FBXL2: variants seen among roughly 807,000 people sequenced by gnomAD.
The protein encoded by FBXL2 is F-box/LRR-repeat protein 2.
FBXL2 carries 38 observed loss-of-function variants against 69.2 expected under a neutral mutation model. That is an observed-to-expected ratio of 0.55 (90% confidence interval 0.42 to 0.72). The LOEUF (loss-of-function observed/expected upper bound fraction) is 0.72, where lower values mean the gene tolerates loss of function less well. FBXL2 is among the 30% of genes least tolerant of loss of function. The pLI, the probability that FBXL2 is intolerant of heterozygous loss-of-function variation, is 0.00. For synonymous variants in FBXL2, 192 were observed against 201.3 expected (o/e 0.95, Z 0.39); for missense variants, 354 against 520.3 (o/e 0.68, Z 3.11).
At chr3:33,408,658 G>A (rs1010365454), downstream of FBXL2, 2 of 1,582,654 alleles carry the variant, frequency 1.3e-6, no homozygotes, top group Non-Finnish European at 1.7e-6. Flanking sequence ...AAGGTTTCTT[G>A]CACAATGAAA....
intron 1 of FBXL2, among the ~76,000 whole-genome samples, chr3:33,283,735 C>G (rs1000614394): frequency 4.6e-5 from 7 of 152,000 alleles, no homozygotes; most frequent in Non-Finnish European, 1.0e-4. Context: ...AGCCTGTTAT[C>G]AGTCTATTTA....
intron 1 of FBXL2, among the ~76,000 whole-genome samples, chr3:33,282,417 G>T (rs1257974773): frequency 6.6e-6 from 1 of 152,058 alleles, no homozygotes; most frequent in Admixed American, 6.6e-5. Flanking sequence ...TATCTGTTTT[G>T]GTACCAGTAC....
At position 33,387,033 on chromosome 3, in the gene FBXL2, T is replaced by A. The variant is rs1376408557; in HGVS notation, c.*1425T>A. On this transcript the variant is annotated 3_prime_UTR_variant, in exon 15 of 15. Coordinates refer to ENST00000484457, the MANE Select transcript of FBXL2 (RefSeq NM_012157.5). ...CTGCATTCTAGGAAGAGAAGCAGAT[T>A]ATATATATATATAATCTCCCCATAA... is the stretch of plus-strand genomic sequence containing the variant. 1.3e-5 allele frequency: 2 copies of A among 150,868 alleles called. No individual in the cohort carries two copies. Among genetic ancestry groups the A allele is most frequent in the South Asian group, 2.1e-4 (1 of 4,802 alleles). 9.3% of individuals were successfully genotyped at this position (150,868 alleles called of 1,614,324 possible).
chr3:33,281,530 C>T (rs1240677255), intron 1 of FBXL2, among the ~76,000 whole-genome samples: 1 of 152,150 alleles, frequency 6.6e-6, no homozygotes, highest in East Asian at 1.9e-4. Context: ...TTTATAGCAG[C>T]ATGATTTATA....
At chr3:33,412,965 C>T in the FBXL2 span, 1 of 523,740 alleles carries the variant, frequency 1.9e-6, no homozygotes, top group Admixed American at 3.3e-5. Context: ...TGTAAGTGAA[C>T]TCTTTTGCCC....
chr3:33,383,806 A>G (rs1467259928), intron 13 of FBXL2, 183 bp from the exon 14 acceptor site: 4 of 593,480 alleles, frequency 6.7e-6, no homozygotes, highest in African/African-American at 5.6e-5. Context: ...GATAATTTGT[A>G]ATGAACAGAA....
At chr3:33,306,554 T>C (rs2036736307) in intron 2 of FBXL2, among the ~76,000 whole-genome samples, 1 of 152,170 alleles carries the variant, frequency 6.6e-6, no homozygotes, top group South Asian at 2.1e-4. Flanking sequence ...TCTCAGTTAA[T>C]CTGCAGGTCC....
intron 2 of FBXL2, among the ~76,000 whole-genome samples, chr3:33,329,855 A>G (rs1291316945): frequency 6.6e-6 from 1 of 152,132 alleles, no homozygotes; most frequent in Non-Finnish European, 1.5e-5. Context: ...TGAGCCAGGC[A>G]TGGTGGCTAC....
Position 33,385,573 on chromosome 3 carries a change from G to C in FBXL2, c.1237G>C (p.Gly413Arg). The C allele has an allele frequency of 6.2e-7, 1 of 1,614,008 alleles. No homozygotes were observed. The highest frequency in any genetic ancestry group is 8.5e-7 in the Non-Finnish European group (1 of 1,179,982). The change falls in exon 15 of 15, where the codon GGA (glycine) becomes CGA (arginine). Residue 413 changes from glycine to arginine, a missense_variant. Coordinates refer to ENST00000484457, the MANE Select transcript of FBXL2 (RefSeq NM_012157.5). The part of the protein sequence containing the change: ...VTPPTAVAGS[G>R]QRLCRCCVIL ...CCCACCGACAGCAGTGGCAGGAAGT[G>C]GACAGCGACTGTGCAGGTGCTGTGT...
At chr3:33,392,011 C>T (rs544753855), downstream of FBXL2, 4 of 153,344 alleles carry the variant, frequency 2.6e-5, no homozygotes, top group African/African-American at 9.6e-5. Flanking sequence ...TTTCTTTGCA[C>T]ACAGCCCCAC....
chr3:33,295,395 T>C (rs1365302909), intron 1 of FBXL2, among the ~76,000 whole-genome samples: 3 of 152,250 alleles, frequency 2.0e-5, no homozygotes, highest in Non-Finnish European at 1.5e-5. Flanking sequence ...GACTCATTCC[T>C]GTTGTAACAT....
chr3:33,288,937 T>C (rs911657217), intron 1 of FBXL2, among the ~76,000 whole-genome samples: 2 of 152,042 alleles, frequency 1.3e-5, no homozygotes, highest in African/African-American at 4.8e-5. Flanking sequence ...TCCATAGGAT[T>C]AGCTGATGGA....
intron 2 of FBXL2, among the ~76,000 whole-genome samples, chr3:33,303,371 C>T (rs2036451637): frequency 6.6e-6 from 1 of 152,080 alleles, no homozygotes; most frequent in African/African-American, 2.4e-5. Flanking sequence ...CCTCCCTAAA[C>T]TGTTATGTAC....
intron 2 of FBXL2, among the ~76,000 whole-genome samples, chr3:33,307,253 C>T (rs1004030950): frequency 1.3e-5 from 2 of 152,120 alleles, no homozygotes; most frequent in Non-Finnish European, 2.9e-5. Context: ...ATATCTGTGG[C>T]ATTCCTGACA....
At position 33,277,452 on chromosome 3, in the gene FBXL2, C is replaced by G. The variant is rs2033381947; in HGVS notation, c.-61C>G. 7.9e-7 allele frequency: 1 copy of G among 1,261,098 alleles called. No individual in the cohort carries two copies. Among genetic ancestry groups the G allele is most frequent in the African/African-American group, 1.5e-5 (1 of 64,580 alleles). The allele number at this position is 1,261,098 out of a possible 1,614,324, so 78.1% of individuals were successfully genotyped here. A position where few individuals can be genotyped will look rare whatever the true frequency, so the allele number is the denominator to read the frequency against. ...GGGCGCCTGGCTGGCGTCACCAGGA[C>G]AACGGGCGTCGCCGGCGCCGTGTGA... is the stretch of plus-strand genomic sequence containing the variant. On this transcript the variant is annotated 5_prime_UTR_variant, in exon 1 of 15. Coordinates refer to ENST00000484457, the MANE Select transcript of FBXL2 (RefSeq NM_012157.5).
intron 1 of FBXL2, chr3:33,289,890 G>T: frequency 3.3e-6 from 2 of 599,976 alleles, no homozygotes; most frequent in Non-Finnish European, 4.2e-6. Context: ...AAGCCTGGGC[G>T]TGCAACAGGC....
the FBXL2 span, among the ~76,000 whole-genome samples, chr3:33,414,853 A>G: frequency 6.6e-6 from 1 of 152,314 alleles, no homozygotes; most frequent in East Asian, 1.9e-4. Flanking sequence ...ATATTTAGAT[A>G]CTGATGCCTT....
chr3:33,299,027 T>TTTTATTTATTTATTTA (rs61556987), intron 2 of FBXL2, among the ~76,000 whole-genome samples: 29,638 of 145,980 alleles, frequency 0.2, 3,658 homozygotes, highest in East Asian at 0.48. Context: ...ATTTTTTTAA[T>TTTTATTTATTTATTTA]TTTATTTATT....
At chr3:33,342,368 A>G (rs2040096321) in intron 2 of FBXL2, among the ~76,000 whole-genome samples, 2 of 151,372 alleles carry the variant, frequency 1.3e-5, no homozygotes, top group Non-Finnish European at 2.9e-5. Flanking sequence ...TATATATTAA[A>G]AATTTAAAGC....
Sources: allele counts gnomAD v4.1 joint callset (sites outside exome capture counted in the v4.1 genomes callset), GRCh38; gene constraint gnomAD v4.1.1; transcripts MANE v1.5; gene names NCBI Gene and HGNC (gene_info 2026-07-23, HGNC 2026-07-21).